The following JAK2 variants were observed in gnomAD, a reference collection of about 807,000 sequenced individuals.
JAK2 encodes Janus kinase 2.
Under a neutral mutation model 139.3 loss-of-function variants are expected in JAK2, and 86 were observed. The observed-to-expected ratio is 0.62, with a 90% confidence interval of 0.52 to 0.74. JAK2 has a LOEUF of 0.74. JAK2 is among the 30% of genes least tolerant of loss of function. The pLI is 0.00. For synonymous variants in JAK2, 490 were observed against 437.7 expected (o/e 1.12, Z -1.49); for missense variants, 1,421 against 1,360.3 (o/e 1.04, Z -0.70).
At chr9:5,111,641 T>TGCCCCTC in intron 22 of JAK2, 1 of 380,020 alleles carries the variant, frequency 2.6e-6, no homozygotes, top group East Asian at 7.1e-5. Context: ...CGGGGGCTCA[T>TGCCCCTC]GCCCCTCGTC....
intron 5 of JAK2, 103 bp from the exon 6 acceptor site, chr9:5,050,583 G>A (rs548304328): frequency 2.4e-6 from 3 of 1,227,882 alleles, no homozygotes; most frequent in East Asian, 2.5e-5. Context: ...TTTGTATCTT[G>A]TAAATGCATA....
intron 2 of JAK2, among the ~76,000 whole-genome samples, chr9:4,987,176 G>A (rs4322058): frequency 6.6e-6 from 1 of 152,184 alleles, no homozygotes; most frequent in Non-Finnish European, 1.5e-5. Flanking sequence ...CTGGCCAGAA[G>A]AGCACACCAT....
rs545562244 is a variant in JAK2, at chr9:5,052,476, TAA to T, written c.614+1648_614+1649del. ...ATTCATATAAGATTCCATGATATTTTAAAAGAGTTTATTGAGATAATTTACAA... is the reference window on the plus strand; with the variant it reads ...ATTCATATAAGATTCCATGATATTTTAAGAGTTTATTGAGATAATTTACAA... On this transcript the variant is annotated intron_variant, in intron 6 of 24. Coordinates refer to ENST00000381652, the MANE Select transcript of JAK2 (RefSeq NM_004972.4). Among the ~76,000 whole-genome samples, 40 of 152,266 alleles carry T rather than the reference TAA, an allele frequency of 2.6e-4. No individual in the cohort carries two copies. In the South Asian group the frequency reaches 6.6e-3, roughly 25 times the overall value.
intron 4 of JAK2, among the ~76,000 whole-genome samples, chr9:5,036,642 G>A (rs986375907): frequency 1.8e-4 from 27 of 152,190 alleles, no homozygotes; most frequent in Non-Finnish European, 2.9e-4. Context: ...ATGGTGCTGG[G>A]AAAACTGGCT....
chr9:5,093,941 G>A (rs979832020), intron 22 of JAK2, among the ~76,000 whole-genome samples: 7 of 151,944 alleles, frequency 4.6e-5, no homozygotes, highest in Non-Finnish European at 8.8e-5. Flanking sequence ...AGAGAAATAC[G>A]GCCCACTTCA....
chr9:4,991,840 T>G (rs2890618), intron 2 of JAK2, among the ~76,000 whole-genome samples: 1 of 152,008 alleles, frequency 6.6e-6, no homozygotes, highest in African/African-American at 2.4e-5. Context: ...GAAGAGCTCA[T>G]CCCCTTTGCC....
At chr9:5,101,618 C>T (rs1192843172) in intron 22 of JAK2, among the ~76,000 whole-genome samples, 1 of 152,252 alleles carries the variant, frequency 6.6e-6, no homozygotes, top group African/African-American at 2.4e-5. Context: ...GGAGACACCT[C>T]CCAGTAGAGG....
intron 22 of JAK2, among the ~76,000 whole-genome samples, chr9:5,093,750 T>C (rs1820763577): frequency 1.3e-5 from 2 of 152,142 alleles, no homozygotes; most frequent in Non-Finnish European, 2.9e-5. Context: ...AGTGCAATCC[T>C]ATTCTATCAT....
Position 5,081,128 on chromosome 9 carries a change from C to T in JAK2, c.2434+445C>T, listed in dbSNP as rs532786256. Among the ~76,000 whole-genome samples the T allele has an allele frequency of 7.2e-5, 11 of 152,106 alleles. No individual in the cohort carries two copies. The South Asian group carries it at 2.1e-3, about 29-fold the overall frequency. ...GCCAGGATGGTCTCGATCTCCTGAT[C>T]TTGTGATCCGCCCGCCTCGGCCTCC... On this transcript the variant is annotated intron_variant, in intron 18 of 24. Coordinates refer to ENST00000381652, the MANE Select transcript of JAK2 (RefSeq NM_004972.4).
rs955080707 is a variant in JAK2, at chr9:5,128,076, GGTTTTGTGTGT to G, written c.*1288_*1298del. 3 of 183,666 alleles carry G rather than the reference GGTTTTGTGTGT, an allele frequency of 1.6e-5. No individual in the cohort carries two copies. The highest frequency in any genetic ancestry group is 9.4e-5 in the African/African-American group (3 of 32,010). The allele number at this position is 183,666 out of a possible 1,614,324, so 11.4% of individuals were successfully genotyped here. A position where few individuals can be genotyped will look rare whatever the true frequency, so the allele number is the denominator to read the frequency against. On this transcript the variant is annotated 3_prime_UTR_variant, in exon 25 of 25. Transcript: ENST00000381652. ...ACCATAGCTAAAATAAAATATGGTG[GGTTTTGTGTGT>G]GTGTGTGTGTGTGTGTGTGTGTGTG...
chr9:5,055,489 A>G (rs150549594), intron 7 of JAK2, among the ~76,000 whole-genome samples, 180 bp from the exon 8 acceptor site: 1,690 of 152,158 alleles, frequency 0.011, 17 homozygotes, highest in African/African-American at 0.03. Flanking sequence ...TAAGTCAAGC[A>G]AGATACAGCA....
At chr9:5,088,845 T>C (rs1014881223) in intron 19 of JAK2, among the ~76,000 whole-genome samples, 2 of 151,964 alleles carry the variant, frequency 1.3e-5, no homozygotes, top group African/African-American at 4.8e-5. Flanking sequence ...TCCACCCTTA[T>C]AACCTAATTT....
chr9:5,049,650 C>T (rs937941829), intron 5 of JAK2, among the ~76,000 whole-genome samples: 8 of 152,074 alleles, frequency 5.3e-5, no homozygotes, highest in Non-Finnish European at 1.0e-4. Context: ...AATTTTGGTC[C>T]CCTTGATGAC....
chr9:5,081,099 G>C (rs986234063), intron 18 of JAK2, among the ~76,000 whole-genome samples: 3 of 151,700 alleles, frequency 2.0e-5, no homozygotes, highest in Non-Finnish European at 2.9e-5. Flanking sequence ...GTTTCACCGT[G>C]TTAGCCAGGA....
Position 5,054,902 on chromosome 9 carries a change from G to C in JAK2, c.936+18G>C. The C allele has an allele frequency of 6.7e-7, 1 of 1,499,896 alleles. No homozygotes were observed. The highest frequency in any genetic ancestry group is 9.0e-7 in the Non-Finnish European group (1 of 1,106,834). The allele number at this position is 1,499,896 out of a possible 1,614,324, so 92.9% of individuals were successfully genotyped here. A position where few individuals can be genotyped will look rare whatever the true frequency, so the allele number is the denominator to read the frequency against. ...CAGAACAGGTAATCCTTAATGATAT[G>C]TTCTTGTTCTTTGTTATTTTAAGTA... is the stretch of plus-strand genomic sequence containing the variant. On this transcript the variant is annotated intron_variant, in intron 7 of 24. Transcript: ENST00000381652. This position sits in a 1 kb window ranked among gnomAD's most constrained non-coding sequence, Gnocchi z 4.9.
chr9:5,088,061 G>A (rs1429307274), intron 19 of JAK2, among the ~76,000 whole-genome samples: 1 of 152,170 alleles, frequency 6.6e-6, no homozygotes, highest in Non-Finnish European at 1.5e-5. Context: ...TCTAAAATGT[G>A]TTTTGGAATA....
At chr9:5,064,525 C>CA (rs1381775824) in intron 8 of JAK2, among the ~76,000 whole-genome samples, 1,690 of 84,438 alleles carry the variant, frequency 0.02, 15 homozygotes, top group African/African-American at 0.036. Flanking sequence ...GCAAGACTCT[C>CA]AAAAAAAAAA....
In JAK2 at chr9:5,022,044, A is replaced by G. The variant is rs1302672595; in HGVS notation, c.57A>G (p.Ile19Met). The change falls in exon 3 of 25, where the codon ATA becomes ATG. Residue 19 changes from isoleucine (I) to methionine (M), a missense_variant. Physicochemically the swap from Ile to Met is conservative, Grantham distance 10 (BLOSUM62 1). Transcript: ENST00000381652. The part of the protein sequence containing the change: ...TEMEGTSTSS[I>M]YQNGDISGNA... ...TGGAGGGAACATCCACCTCTTCTAT[A>G]TATCAGAATGGTGATATTTCTGGAA... is the stretch of plus-strand genomic sequence containing the variant. 3 of 1,614,172 alleles carry G rather than the reference A, an allele frequency of 1.9e-6. No individual in the cohort carries two copies. The highest frequency in any genetic ancestry group is 1.7e-5 in the Admixed American group (1 of 60,026).
chr9:5,005,925 C>T (rs1004180588), intron 2 of JAK2, among the ~76,000 whole-genome samples: 55 of 152,218 alleles, frequency 3.6e-4, no homozygotes, highest in African/African-American at 9.1e-4. Flanking sequence ...AGTCAGGTAG[C>T]GTGATGCCTC....
Sources: gnomAD v4.1 joint callset for allele counts (sites outside exome capture counted in the v4.1 genomes callset) on GRCh38, gnomAD v4.1.1 for gene constraint, Gnocchi (gnomAD v3.1) non-coding constraint, MANE v1.5 for transcripts, NCBI Gene and HGNC (gene_info 2026-07-23, HGNC 2026-07-21) for gene names.